SPAG1: variants seen among roughly 807,000 people sequenced by gnomAD.
SPAG1 encodes sperm associated antigen 1.
SPAG1 carries 69 observed loss-of-function variants against 100.5 expected under a neutral mutation model. The ratio of observed to expected loss-of-function variants is 0.69; its 90% CI spans 0.57 to 0.84. The LOEUF (loss-of-function observed/expected upper bound fraction) is 0.84. Among genes scored for constraint, SPAG1 ranks in the 40% least tolerant of loss-of-function variants. SPAG1 has a pLI of 0.00. For synonymous variants in SPAG1, 336 were observed against 411.6 expected, an observed-to-expected ratio of 0.82 and a Z score of 2.22; for missense variants, 955 against 1,133.1, an observed-to-expected ratio of 0.84 and a Z score of 2.26.
At chr8:100,202,485 C>T (rs1180485987) in intron 10 of SPAG1, among the ~76,000 whole-genome samples, 5 of 149,550 alleles carry the variant, frequency 3.3e-5, no homozygotes, top group African/African-American at 4.9e-5. Flanking sequence ...CCGAGGCGGG[C>T]GGATCACGAG....
chr8:100,172,411 G>A (rs1815901309), intron 3 of SPAG1, among the ~76,000 whole-genome samples: 1 of 152,122 alleles, frequency 6.6e-6, no homozygotes, highest in Non-Finnish European at 1.5e-5. Context: ...CTGAGGTCAG[G>A]AGTTCGAGAC....
intron 10 of SPAG1, among the ~76,000 whole-genome samples, chr8:100,206,725 A>G (rs1817532624): frequency 6.6e-6 from 1 of 152,140 alleles, no homozygotes; most frequent in South Asian, 2.1e-4. Context: ...CAACCAAGAA[A>G]GAGACACAAT....
At chr8:100,181,454 A>G (rs1462125564) in intron 4 of SPAG1, among the ~76,000 whole-genome samples, 1 of 152,244 alleles carries the variant, frequency 6.6e-6, no homozygotes, top group African/African-American at 2.4e-5. Context: ...ACTAAGTGAT[A>G]CCACTTGTAT....
In SPAG1 at chr8:100,177,791, T is replaced by C. The variant is rs765427321; in HGVS notation, c.301-25T>C. ...TTGGTTATAATTATTTCAAACTATA[T>C]ATTTACCCTTTTCTCTATTCTCAGA... On this transcript the variant is annotated intron_variant, in intron 3 of 18. Coordinates refer to ENST00000388798, the MANE Select transcript of SPAG1 (RefSeq NM_003114.5). 6.0e-6 allele frequency: 8 copies of C among 1,331,036 alleles called. No individual in the cohort carries two copies. The South Asian group carries it at 8.9e-5, about 15-fold the overall frequency. The allele number at this position is 1,331,036 out of a possible 1,614,324, so 82.5% of individuals were successfully genotyped here. A position where few individuals can be genotyped will look rare whatever the true frequency, so the allele number is the denominator to read the frequency against.
intron 8 of SPAG1, among the ~76,000 whole-genome samples, chr8:100,189,962 G>C (rs754833086): frequency 2.6e-5 from 4 of 151,906 alleles, no homozygotes; most frequent in Non-Finnish European, 5.9e-5. Flanking sequence ...AATTCAAATT[G>C]GTCAAATTTA....
intron 10 of SPAG1, among the ~76,000 whole-genome samples, chr8:100,211,720 G>C (rs190853276): frequency 8.8e-4 from 134 of 152,348 alleles, no homozygotes; most frequent in African/African-American, 3.1e-3. Context: ...TTCTAGCTCT[G>C]TGTACTAGAG....
chr8:100,213,877 AAAAG>A lies in SPAG1; in HGVS notation c.1497_1500del (p.Gly501ThrfsTer20), dbSNP rs770075987. ...ATTCAAATAGAGCAGCATGTTACCT[AAAAG>A]AAGGAAACTGCAGTGGCTGCATTCA... On this transcript the variant is annotated frameshift_variant, in exon 12 of 19. Coordinates refer to ENST00000388798, the MANE Select transcript of SPAG1 (RefSeq NM_003114.5). LOFTEE classifies it high-confidence loss of function. 1.9e-6 allele frequency: 3 copies of A among 1,605,670 alleles called. No homozygotes were observed. The highest frequency in any genetic ancestry group is 2.6e-6 in the Non-Finnish European group (3 of 1,173,824).
intron 3 of SPAG1, among the ~76,000 whole-genome samples, 157 bp downstream of exon 3, chr8:100,166,130 G>A (rs1055540830): frequency 4.6e-5 from 7 of 152,172 alleles, no homozygotes; most frequent in African/African-American, 1.7e-4. Flanking sequence ...GGAACATTGC[G>A]AATTCGCGTG....
At chr8:100,234,560 G>A (rs983422102) in intron 16 of SPAG1, among the ~76,000 whole-genome samples, 1 of 152,096 alleles carries the variant, frequency 6.6e-6, no homozygotes, top group Non-Finnish European at 1.5e-5. Flanking sequence ...CCTGAGATTT[G>A]TTTATATTGT....
In SPAG1 at chr8:100,187,253, A is replaced by C; in HGVS notation, c.832+3A>C. 1 of 1,600,140 alleles carries C rather than the reference A, an allele frequency of 6.2e-7. No individual in the cohort carries two copies. The highest frequency in any genetic ancestry group is 8.5e-7 in the Non-Finnish European group (1 of 1,172,882). On this transcript the variant is annotated splice_donor_region_variant and intron_variant, in intron 8 of 18. Coordinates refer to ENST00000388798, the MANE Select transcript of SPAG1 (RefSeq NM_003114.5). ...GTTAGAACCTGGAAACGTAAAGGGT[A>C]AAAAATATTATAGAATTCTTTTACA...
Position 100,187,244 on chromosome 8 carries a change from G to A in SPAG1, c.826G>A (p.Val276Ile), listed in dbSNP as rs556715100. Residue 276 changes from valine to isoleucine, a missense_variant, in exon 8 of 19, where the codon GTA becomes ATA. Val to Ile is a conservative substitution (Grantham distance 29). Coordinates refer to ENST00000388798, the MANE Select transcript of SPAG1 (RefSeq NM_003114.5). ...EKVLELEPGN[V>I]KALLRRATTY... ...GGTCTTGGAGTTAGAACCTGGAAAC[G>A]TAAAGGGTAAAAAATATTATAGAAT... The A allele has an allele frequency of 5.6e-6, 9 of 1,604,552 alleles. No homozygotes were observed. Among genetic ancestry groups the A allele is most frequent in the Middle Eastern group, 1.7e-4 (1 of 6,004 alleles).
chr8:100,186,060 CTTTTTTTTTT>C (rs71274962), intron 7 of SPAG1, among the ~76,000 whole-genome samples: 2 of 89,984 alleles, frequency 2.2e-5, no homozygotes, highest in African/African-American at 4.3e-5. Context: ...TGGGCAGATT[CTTTTTTTTTT>C]TTTTTTTTTT....
rs551646238 is a variant in SPAG1, at chr8:100,168,120, T to C, written c.300+2147T>C. On this transcript the variant is annotated intron_variant, in intron 3 of 18. Coordinates refer to ENST00000388798, the MANE Select transcript of SPAG1 (RefSeq NM_003114.5). ...ATAATACTGAGCCCTAAATATACTATGTTTTGACTGCCAAAATGTTTTCCA... is the reference window on the plus strand; with the variant it reads ...ATAATACTGAGCCCTAAATATACTACGTTTTGACTGCCAAAATGTTTTCCA... Among the ~76,000 whole-genome samples, 15 of 152,330 alleles carry C rather than the reference T, an allele frequency of 9.8e-5. No individual in the cohort carries two copies. In the South Asian group the frequency reaches 2.3e-3, roughly 23 times the overall value.
chr8:100,166,909 AAC>A (rs1265457190), intron 3 of SPAG1, among the ~76,000 whole-genome samples: 1 of 152,182 alleles, frequency 6.6e-6, no homozygotes, highest in African/African-American at 2.4e-5. Flanking sequence ...CCTGTCTAAA[AAC>A]AAAAAGCAAG....
At chr8:100,184,830 A>T in intron 7 of SPAG1, 97 bp downstream of exon 7, 1 of 688,054 alleles carries the variant, frequency 1.5e-6, no homozygotes, top group Non-Finnish European at 2.4e-6. Flanking sequence ...CTATGTCAGA[A>T]TCTCTCAATG....
chr8:100,161,344 A>G (rs1815296491), intron 1 of SPAG1, among the ~76,000 whole-genome samples: 1 of 152,140 alleles, frequency 6.6e-6, no homozygotes, highest in Non-Finnish European at 1.5e-5. Flanking sequence ...CATCTCAAAA[A>G]CAAAAACAAA....
intron 12 of SPAG1, among the ~76,000 whole-genome samples, chr8:100,216,723 C>A (rs1455500247): frequency 6.6e-6 from 1 of 152,128 alleles, no homozygotes; most frequent in African/African-American, 2.4e-5. Flanking sequence ...TGAGGCCCAG[C>A]AGGGGGTGAT....
intron 16 of SPAG1, among the ~76,000 whole-genome samples, chr8:100,235,556 T>C (rs1031824302): frequency 1.8e-4 from 27 of 152,176 alleles, no homozygotes; most frequent in Admixed American, 1.4e-3. Context: ...GAGAGGATTG[T>C]TTTGACTGAT....
chr8:100,191,349 A>T, intron 8 of SPAG1, 41 bp from the exon 9 acceptor site: 1 of 1,355,302 alleles, frequency 7.4e-7, no homozygotes, highest in Non-Finnish European at 1.1e-6. Context: ...CCATAATGCC[A>T]CATATTAAAA....
Sources: gnomAD v4.1 joint callset for allele counts (sites outside exome capture counted in the v4.1 genomes callset) on GRCh38, gnomAD v4.1.1 for gene constraint, MANE v1.5 for transcripts, NCBI Gene and HGNC (gene_info 2026-07-23, HGNC 2026-07-21) for gene names.